Variants in VAV2 observed in about 807,000 individuals in gnomAD.
VAV2 encodes guanine nucleotide exchange factor VAV2.
Under a neutral mutation model 132.5 loss-of-function variants are expected in VAV2, and 67 were observed. That is an observed-to-expected ratio of 0.51 (90% CI 0.42 to 0.62). The LOEUF (loss-of-function observed/expected upper bound fraction) is 0.62, where lower values mean the gene tolerates loss of function less well. VAV2 is among the 20% of genes least tolerant of loss of function. The probability of loss-of-function intolerance (pLI) is 0.00; values close to 1 mark genes in which losing one functional copy is unlikely to be tolerated. For synonymous variants in VAV2, 492 were observed against 443.5 expected (o/e 1.11, Z -1.37); for missense variants, 938 against 1,153.6 (o/e 0.81, Z 2.71).
At chr9:133,856,547 C>T (rs1837392830) in intron 3 of VAV2, among the ~76,000 whole-genome samples, 1 of 152,174 alleles carries the variant, frequency 6.6e-6, no homozygotes, top group Non-Finnish European at 1.5e-5. Context: ...GGCCTTCAGA[C>T]AGCCTCCCAG....
rs760181556 is a variant in VAV2, at chr9:133,778,830, C to G, written c.1822G>C (p.Val608Leu). 6.2e-7 allele frequency: 1 copy of G among 1,613,168 alleles called. No individual in the cohort carries two copies. Among genetic ancestry groups the G allele is most frequent in the South Asian group, 1.1e-5 (1 of 91,084 alleles). Reference protein sequence around the residue: ...HGNPAPPGKPVLTFQTGDVLE... With the variant: ...HGNPAPPGKPLLTFQTGDVLE... ...ACGTCGCCCGTCTGGAAGGTCAGCA[C>G]AGGCTTCCCGGGAGGGGCTGGGTTG... is the stretch of plus-strand genomic sequence containing the variant. The change falls in exon 22 of 30, where the codon GTG (valine) becomes CTG (leucine). Residue 608 changes from valine to leucine, a missense_variant. Coordinates refer to ENST00000371850, the MANE Select transcript of VAV2 (RefSeq NM_001134398.2).
At chr9:133,965,341 T>C (rs892647198) in intron 1 of VAV2, among the ~76,000 whole-genome samples, 1 of 150,112 alleles carries the variant, frequency 6.7e-6, no homozygotes, top group Non-Finnish European at 1.5e-5. Context: ...AAAATAATAA[T>C]AACAAAAGTT....
At chr9:133,962,168 G>C (rs879302817) in intron 1 of VAV2, among the ~76,000 whole-genome samples, 3 of 152,288 alleles carry the variant, frequency 2.0e-5, no homozygotes, top group Non-Finnish European at 4.4e-5. Context: ...TGGGCACAGA[G>C]GGGGATGAAG....
At chr9:133,906,515 C>T (rs1291529065) in intron 2 of VAV2, among the ~76,000 whole-genome samples, 2 of 152,234 alleles carry the variant, frequency 1.3e-5, no homozygotes, top group Non-Finnish European at 2.9e-5. Context: ...AGCTTCAATC[C>T]TGCAAGGACG....
rs575071866 is a variant in VAV2, at chr9:133,983,155, C to T, written c.204+8920G>A. Among the ~76,000 whole-genome samples, 550 of 152,296 alleles carry T rather than the reference C, an allele frequency of 3.6e-3. 8 individuals are homozygous for T. The highest frequency in any genetic ancestry group is 6.1e-3 in the Non-Finnish European group (417 of 68,016). The stretch of plus-strand genomic sequence containing the variant: ...GCATCTGCATAAAGCCAGGGTCTTC[C>T]ACACTGGCCCCACCAGGTTGCCAAC... On this transcript the variant is annotated intron_variant, in intron 1 of 29. Transcript: ENST00000371850.
intron 2 of VAV2, among the ~76,000 whole-genome samples, chr9:133,882,051 C>A (rs1010937980): frequency 2.0e-5 from 3 of 152,204 alleles, no homozygotes; most frequent in African/African-American, 4.8e-5. Context: ...CCAAGAGATA[C>A]AGTGCCGAAA....
chr9:133,977,216 T>C (rs537143927), intron 1 of VAV2, among the ~76,000 whole-genome samples: 2 of 152,320 alleles, frequency 1.3e-5, no homozygotes, highest in African/African-American at 4.8e-5. Context: ...ACCTCCGGCA[T>C]CCAATGGGTG....
At chr9:133,838,173 G>C (rs922962136) in intron 3 of VAV2, among the ~76,000 whole-genome samples, 1 of 151,920 alleles carries the variant, frequency 6.6e-6, no homozygotes, top group African/African-American at 2.4e-5. Context: ...TCTGGCCTTT[G>C]TACCTGCTCT....
chr9:133,965,426 G>A (rs148386702), intron 1 of VAV2, among the ~76,000 whole-genome samples: 1,695 of 149,274 alleles, frequency 0.011, 22 homozygotes, highest in Middle Eastern at 0.034. Context: ...TTGAACCCAC[G>A]AGATGAAGGT....
chr9:133,916,984 G>T (rs2789835), intron 2 of VAV2, among the ~76,000 whole-genome samples: 3 of 152,236 alleles, frequency 2.0e-5, no homozygotes, highest in African/African-American at 4.8e-5. Flanking sequence ...CGGAGCTTTG[G>T]GAACACTCAG....
At chr9:133,785,984 G>GCA in intron 16 of VAV2, 99 bp from the exon 17 acceptor site, 2 of 1,063,062 alleles carry the variant, frequency 1.9e-6, no homozygotes, top group Non-Finnish European at 2.8e-6. Flanking sequence ...GTGCACGTGT[G>GCA]TATATGCATA....
At chr9:133,980,096 C>A (rs985659140) in intron 1 of VAV2, among the ~76,000 whole-genome samples, 1 of 152,196 alleles carries the variant, frequency 6.6e-6, no homozygotes, top group East Asian at 1.9e-4. Flanking sequence ...GGCCCAGGAC[C>A]GGAAGCCATG....
At position 133,881,538 on chromosome 9, in the gene VAV2, G is replaced by A. The variant is rs533332460; in HGVS notation, c.322-20106C>T. Among the ~76,000 whole-genome samples, 8 of 152,266 alleles carry A rather than the reference G, an allele frequency of 5.3e-5. No homozygotes were observed. The South Asian group carries it at 1.0e-3, about 20-fold the overall frequency. ...CAGCAGGTGGAGACGAGGAACTGAC[G>A]AGGAACACAGTCCACAGCTGGGAAC... On this transcript the variant is annotated intron_variant, in intron 2 of 29. Coordinates refer to ENST00000371850, the MANE Select transcript of VAV2 (RefSeq NM_001134398.2).
chr9:133,916,428 G>A (rs1343013470), intron 2 of VAV2, among the ~76,000 whole-genome samples: 3 of 152,202 alleles, frequency 2.0e-5, no homozygotes, highest in East Asian at 1.9e-4. Context: ...GGGCCCGGGC[G>A]CACAGGCCCA....
At position 133,763,869 on chromosome 9, in the gene VAV2, A is replaced by T; in HGVS notation, c.*193T>A. 1.5e-6 allele frequency: 1 copy of T among 658,708 alleles called. No individual in the cohort carries two copies. Among genetic ancestry groups the T allele is most frequent in the Non-Finnish European group, 2.6e-6 (1 of 382,396 alleles). 40.8% of individuals were successfully genotyped at this position (658,708 alleles called of 1,614,324 possible). A position where few individuals can be genotyped will look rare whatever the true frequency, so the allele number is the denominator to read the frequency against. On this transcript the variant is annotated 3_prime_UTR_variant, in exon 30 of 30. Coordinates refer to ENST00000371850, the MANE Select transcript of VAV2 (RefSeq NM_001134398.2). This position sits in a 1 kb window ranked among gnomAD's most constrained non-coding sequence, Gnocchi z 6.8. Reference sequence around the variant, plus strand: ...TCTATGTACAATAGCATACCCAGTGATGGGTCGCCGAGGGCAGGCTGACAG... The same window carrying T: ...TCTATGTACAATAGCATACCCAGTGTTGGGTCGCCGAGGGCAGGCTGACAG...
chr9:133,797,366 G>T (rs1834760582), intron 10 of VAV2, among the ~76,000 whole-genome samples: 2 of 152,020 alleles, frequency 1.3e-5, no homozygotes, highest in Admixed American at 1.3e-4. Context: ...TGAGGGGTGG[G>T]TGGTCCCACA....
intron 3 of VAV2, among the ~76,000 whole-genome samples, chr9:133,858,676 A>G (rs1296230067): frequency 6.6e-6 from 1 of 152,156 alleles, no homozygotes; most frequent in Non-Finnish European, 1.5e-5. Flanking sequence ...TCTCATCTCA[A>G]TAAATCCGAG....
chr9:133,872,071 G>C (rs1328344866), intron 2 of VAV2, among the ~76,000 whole-genome samples: 1 of 152,242 alleles, frequency 6.6e-6, no homozygotes, highest in Non-Finnish European at 1.5e-5. Context: ...ACAGAGGGCA[G>C]ACCTGAAAAT....
intron 12 of VAV2, among the ~76,000 whole-genome samples, 196 bp from the exon 13 acceptor site, chr9:133,792,065 TG>T (rs1420574913): frequency 7.4e-6 from 1 of 134,952 alleles, no homozygotes; most frequent in Non-Finnish European, 1.6e-5. Context: ...GACTGTGCTG[TG>T]GTGTGTGTGT....
Sources: gnomAD v4.1 joint callset for allele counts (sites outside exome capture counted in the v4.1 genomes callset) on GRCh38, gnomAD v4.1.1 for gene constraint, Gnocchi (gnomAD v3.1) non-coding constraint, MANE v1.5 for transcripts, NCBI Gene and HGNC (gene_info 2026-07-23, HGNC 2026-07-21) for gene names.